RBFOX1: variants seen among roughly 807,000 people sequenced by gnomAD.
RBFOX1 encodes the protein RNA binding fox-1 homolog 1, also known as RNA binding protein fox-1 homolog 1.
A neutral mutation model predicts 57.7 loss-of-function variants in RBFOX1; 8 were observed. That is an observed-to-expected ratio of 0.14 (90% CI 0.08 to 0.25). RBFOX1 has a LOEUF of 0.25. RBFOX1 is among the 10% of genes least tolerant of loss of function. The pLI is 1.00. For synonymous variants in RBFOX1, 326 were observed against 222.4 expected (o/e 1.47, Z -4.15); for missense variants, 611 against 548.5 (o/e 1.11, Z -1.14).
At chr16:6,759,473 C>CTGTG (rs71145287) in intron 3 of RBFOX1, among the ~76,000 whole-genome samples, 2,188 of 143,038 alleles carry the variant, frequency 0.015, 80 homozygotes, top group African/African-American at 0.054. Context: ...TGTCAGTTGT[C>CTGTG]TGTGTGTGTG....
At chr16:6,516,159 G>C (rs1277435668) in intron 2 of RBFOX1, among the ~76,000 whole-genome samples, 1 of 152,160 alleles carries the variant, frequency 6.6e-6, no homozygotes, top group East Asian at 1.9e-4. Context: ...CTCCCGAGTA[G>C]CTGGGATTAC....
intron 1 of RBFOX1, among the ~76,000 whole-genome samples, chr16:6,265,149 G>A (rs2074313687): frequency 6.6e-6 from 1 of 152,108 alleles, no homozygotes; most frequent in Non-Finnish European, 1.5e-5. Flanking sequence ...TGTTAGACAC[G>A]AGGAAACCTG....
At chr16:6,013,736 G>A (rs554607871) in intron 4 of RBFOX1, among the ~76,000 whole-genome samples, 1 of 152,180 alleles carries the variant, frequency 6.6e-6, no homozygotes, top group African/African-American at 2.4e-5. Context: ...CGGTGTATGT[G>A]TGCCACATTT....
At chr16:7,574,043 T>C (rs7184130) in intron 5 of RBFOX1, among the ~76,000 whole-genome samples, 63,968 of 151,984 alleles carry the variant, frequency 0.42, 13,852 homozygotes, top group East Asian at 0.53. Context: ...TATGCTTTTG[T>C]CATAACGTTC....
intron 10 of RBFOX1, among the ~76,000 whole-genome samples, chr16:7,615,643 T>C (rs1451353522): frequency 6.6e-6 from 1 of 152,102 alleles, no homozygotes; most frequent in African/African-American, 2.4e-5. Context: ...TAGTGATTCT[T>C]AATATGGAGT....
intron 4 of RBFOX1, among the ~76,000 whole-genome samples, chr16:7,370,699 G>A (rs996149989): frequency 6.6e-6 from 1 of 152,216 alleles, no homozygotes. Context: ...GAATTTGAAA[G>A]GGACTTGTGA....
At chr16:7,528,333 A>G (rs948993782) in intron 5 of RBFOX1, among the ~76,000 whole-genome samples, 2 of 152,108 alleles carry the variant, frequency 1.3e-5, no homozygotes, top group Non-Finnish European at 2.9e-5. Context: ...AGCAGTCTCT[A>G]TCTTTATTTT....
chr16:5,932,794 AC>A (rs961470117), intron 4 of RBFOX1, among the ~76,000 whole-genome samples: 2 of 151,632 alleles, frequency 1.3e-5, no homozygotes, highest in Non-Finnish European at 2.9e-5. Context: ...CTCATTTCCC[AC>A]GTGACCTCGG....
chr16:5,467,068 T>G, intron 1 of RBFOX1: 2 of 897,868 alleles, frequency 2.2e-6, no homozygotes, highest in Non-Finnish European at 3.3e-6. Flanking sequence ...TGACACATGT[T>G]AGGCATTTAA....
intron 4 of RBFOX1, among the ~76,000 whole-genome samples, chr16:7,319,679 G>A (rs1007590707): frequency 1.3e-5 from 2 of 152,162 alleles, no homozygotes; most frequent in South Asian, 2.1e-4. Flanking sequence ...CAGCTCCTTA[G>A]TAGATTTCCA....
intron 2 of RBFOX1, among the ~76,000 whole-genome samples, chr16:6,506,046 T>C (rs1237510129): frequency 6.6e-6 from 1 of 152,226 alleles, no homozygotes; most frequent in Non-Finnish European, 1.5e-5. Context: ...GAAAGATTCC[T>C]GATTCTAGCA....
At position 7,011,468 on chromosome 16, in the gene RBFOX1, T is replaced by A. The variant is rs182262427; in HGVS notation, c.-15-40589T>A. 5.3e-5 allele frequency among the ~76,000 whole-genome samples: 8 copies of A among 151,924 alleles called. No homozygotes were observed. The East Asian group carries it at 1.5e-3, about 29-fold the overall frequency. On this transcript the variant is annotated intron_variant, in intron 3 of 15. Coordinates refer to ENST00000550418, the MANE Select transcript of RBFOX1 (RefSeq NM_018723.4). ...CCAAGTTGGATTTTTGTTTGTTTGTTTTTGTTGTGTGTGTTTGTTTGTTTT... is the reference window on the plus strand; with the variant it reads ...CCAAGTTGGATTTTTGTTTGTTTGTATTTGTTGTGTGTGTTTGTTTGTTTT...
intron 3 of RBFOX1, among the ~76,000 whole-genome samples, chr16:6,931,988 C>G (rs866146407): frequency 6.6e-6 from 1 of 152,158 alleles, no homozygotes; most frequent in African/African-American, 2.4e-5. Flanking sequence ...AGATAACTAA[C>G]CCACTCCAGT....
At chr16:6,266,771 A>C (rs1045127594) in intron 1 of RBFOX1, among the ~76,000 whole-genome samples, 1 of 151,964 alleles carries the variant, frequency 6.6e-6, no homozygotes, top group African/African-American at 2.4e-5. Flanking sequence ...ATCCTAGAAG[A>C]ACCTTAGAAT....
intron 3 of RBFOX1, among the ~76,000 whole-genome samples, chr16:5,698,031 T>C (rs1193164046): frequency 6.6e-6 from 1 of 152,222 alleles, no homozygotes; most frequent in Non-Finnish European, 1.5e-5. Context: ...TGTGGTGAAT[T>C]ACCTTAATAG....
rs145633716 is a variant in RBFOX1, at chr16:5,677,415, A to G, written c.318+78454A>G. Reference sequence around the variant, plus strand: ...TTAGGGGAAAATGAATGCACTTTCTATGGGTCCCTGTTTACAGTAGATAAA... The same window carrying G: ...TTAGGGGAAAATGAATGCACTTTCTGTGGGTCCCTGTTTACAGTAGATAAA... On this transcript the variant is annotated intron_variant, in intron 3 of 19. Transcript: ENST00000641259. Among the ~76,000 whole-genome samples, 898 of 152,326 alleles carry G rather than the reference A, an allele frequency of 5.9e-3. 12 individuals carry two copies. Among genetic ancestry groups the G allele is most frequent in the South Asian group, 0.041 (198 of 4,820 alleles).
At chr16:6,512,257 C>A (rs2153781430) in intron 2 of RBFOX1, among the ~76,000 whole-genome samples, 1 of 110,768 alleles carries the variant, frequency 9.0e-6, no homozygotes, top group Admixed American at 1.1e-4. Context: ...GCATTCCAGC[C>A]TGGGTAACAG....
rs577842879 is a variant in RBFOX1, at chr16:5,464,762, G to A, written c.220-2454G>A. 3.4e-4 allele frequency among the ~76,000 whole-genome samples: 52 copies of A among 152,302 alleles called. 1 individual carries two copies. The highest frequency in any genetic ancestry group is 1.1e-3 in the African/African-American group (44 of 41,580). On this transcript the variant is annotated intron_variant, in intron 1 of 2. Transcript: ENST00000585867. ...TGATAATGTGGTGAGCTTTGGGTGC[G>A]TTTCTGAGTCCCAAGAAAGGAGGCA...
At chr16:7,484,337 G>T (rs2064817450) in intron 4 of RBFOX1, among the ~76,000 whole-genome samples, 1 of 152,204 alleles carries the variant, frequency 6.6e-6, no homozygotes, top group Non-Finnish European at 1.5e-5. Flanking sequence ...ATTTTGGGGA[G>T]ATAAATCCTT....
Sources: gnomAD v4.1 joint callset for allele counts (sites outside exome capture counted in the v4.1 genomes callset) on GRCh38, gnomAD v4.1.1 for gene constraint, MANE v1.5 for transcripts, NCBI Gene and HGNC (gene_info 2026-07-23, HGNC 2026-07-21) for gene names.